Variants in D2HGDH observed in about 807,000 individuals in gnomAD.
The protein encoded by D2HGDH is D-2-hydroxyglutarate dehydrogenase, also known as D-2-hydroxyglutarate dehydrogenase, mitochondrial.
Under a neutral mutation model 46.9 loss-of-function variants are expected in D2HGDH, and 31 were observed. That is an observed-to-expected ratio of 0.66 (90% CI 0.50 to 0.89). The LOEUF (loss-of-function observed/expected upper bound fraction) is 0.89, where lower values mean the gene tolerates loss of function less well. D2HGDH is among the 40% of genes least tolerant of loss of function. The pLI, the probability that D2HGDH is intolerant of heterozygous loss-of-function variation, is 0.00. For missense variants in D2HGDH, 698 were observed against 720.8 expected (o/e 0.97, Z 0.36); for synonymous variants, 364 against 332.6 (o/e 1.09, Z -1.03).
intron 8 of D2HGDH, among the ~76,000 whole-genome samples, chr2:241,753,333 G>A (rs915533334): frequency 1.3e-5 from 2 of 152,164 alleles, no homozygotes; most frequent in African/African-American, 4.8e-5. Context: ...GGCAGGTCCT[G>A]AGGCTTTTCT....
intron 9 of D2HGDH, among the ~76,000 whole-genome samples, chr2:241,758,580 C>T (rs1375716884): frequency 2.0e-5 from 3 of 152,014 alleles, no homozygotes; most frequent in African/African-American, 2.4e-5. Flanking sequence ...AGGCCCGCCA[C>T]CTCACACACA....
chr2:241,749,185 C>T (rs1295548957), intron 6 of D2HGDH: 5 of 842,784 alleles, frequency 5.9e-6, no homozygotes, highest in Non-Finnish European at 7.9e-6. Flanking sequence ...CACCGCCAGA[C>T]CCTCCAACAC....
intron 6 of D2HGDH, chr2:241,749,851 C>T (rs995784218): frequency 2.2e-6 from 1 of 446,168 alleles, no homozygotes; most frequent in Non-Finnish European, 4.2e-6. Flanking sequence ...ACCAGGCGTG[C>T]CCTGCCCCTC....
intron 8 of D2HGDH, chr2:241,755,620 C>T: frequency 6.6e-7 from 1 of 1,524,234 alleles, no homozygotes; most frequent in Non-Finnish European, 8.8e-7. Context: ...GTTGGAGCCA[C>T]ACCTGGTCTG....
In D2HGDH at chr2:241,742,409, C is replaced by T. The variant is rs751117109; in HGVS notation, c.351-26C>T. The stretch of plus-strand genomic sequence containing the variant: ...TGGCGTAGGGGTGGGGACAGAGCCC[C>T]AACGTCCCTCCTGTCCTCATCCCAG... On this transcript the variant is annotated intron_variant, in intron 3 of 9. Coordinates refer to ENST00000321264, the MANE Select transcript of D2HGDH (RefSeq NM_152783.5). The surrounding 1 kb of genome is among the most constrained non-coding windows in gnomAD (Gnocchi z 4.8). 31 of 1,590,770 alleles carry T rather than the reference C, an allele frequency of 1.9e-5. No homozygotes were observed. The African/African-American group carries it at 3.2e-4, about 17-fold the overall frequency.
At position 241,755,989 on chromosome 2, in the gene D2HGDH, G is replaced by A. The variant is rs1698126479; in HGVS notation, c.1281G>A (p.Lys427=). The A allele has an allele frequency of 6.2e-7, 1 of 1,602,960 alleles. No homozygotes were observed. The highest frequency in any genetic ancestry group is 8.5e-7 in the Non-Finnish European group (1 of 1,172,126). Residue 427 remains lysine (K), a synonymous_variant, in exon 9 of 10, where the codon AAG becomes AAA. Coordinates refer to ENST00000321264, the MANE Select transcript of D2HGDH (RefSeq NM_152783.5). ...GCGCCCGCCTCGGCCCGCACGCCAA[G>A]CACGTGGTGGGCTATGGCCACCTTG... is the stretch of plus-strand genomic sequence containing the variant. ...DLRARLGPHA[K]HVVGYGHLGD... is the part of the protein sequence containing the mutation.
In D2HGDH at chr2:241,747,546, G is replaced by GTTTTT. The variant is rs760885558; in HGVS notation, c.854-2594_854-2590dup. Among the ~76,000 whole-genome samples the GTTTTT allele has an allele frequency of 1.6e-3, 217 of 136,686 alleles. 2 individuals carry two copies. The highest frequency in any genetic ancestry group is 2.1e-3 in the Non-Finnish European group (134 of 64,150). 89.7% of individuals were successfully genotyped at this position (136,686 alleles called of 152,430 possible). ...CATGGTCATGATTTATCAGGAGAGT[G>GTTTTT]TTTTTTTTTTTTTTTACATTATTCT... is the stretch of plus-strand genomic sequence containing the variant. On this transcript the variant is annotated intron_variant, in intron 6 of 9. Transcript: ENST00000321264.
intron 1 of D2HGDH, 136 bp downstream of exon 1, chr2:241,734,831 AGCTCGTCACGTGACCGCGTGGAACAC>A (rs1156669570): frequency 2.7e-5 from 5 of 186,952 alleles, no homozygotes; most frequent in African/African-American, 1.2e-4. Context: ...ACGGCGCTGC[AGCTCGTCACGTGACCGCGTGGAACAC>A]GCGCGCGCGT....
chr2:241,749,228 C>T (rs546908789), intron 6 of D2HGDH: 205 of 1,102,788 alleles, frequency 1.9e-4, no homozygotes, highest in East Asian at 5.5e-4. Context: ...GCCCTCTACG[C>T]GTCTGCAGCC....
intron 6 of D2HGDH, among the ~76,000 whole-genome samples, chr2:241,747,191 GGT>G (rs1696079479): frequency 6.6e-6 from 1 of 152,124 alleles, no homozygotes; most frequent in African/African-American, 2.4e-5. Flanking sequence ...AAAGTGCGGG[GGT>G]TATAGGTGTG....
chr2:241,754,153 C>T lies in D2HGDH; in HGVS notation c.1141-1696C>T, dbSNP rs903298325. On this transcript the variant is annotated intron_variant, in intron 8 of 9. Coordinates refer to ENST00000321264, the MANE Select transcript of D2HGDH (RefSeq NM_152783.5). Reference sequence around the variant, plus strand: ...GACAAGGGTAGAGCCCATCTTGTGGCCACGGGGACACATGGGGCGGCCGGT... The same window carrying T: ...GACAAGGGTAGAGCCCATCTTGTGGTCACGGGGACACATGGGGCGGCCGGT... 2.0e-5 allele frequency among the ~76,000 whole-genome samples: 3 copies of T among 152,340 alleles called. No individual in the cohort carries two copies. The South Asian group carries it at 6.2e-4, about 32-fold the overall frequency.
chr2:241,750,471 A>G (rs1696981148), intron 7 of D2HGDH, among the ~76,000 whole-genome samples, 177 bp downstream of exon 7: 1 of 152,112 alleles, frequency 6.6e-6, no homozygotes, highest in African/African-American at 2.4e-5. Flanking sequence ...TGCTCTTAAC[A>G]TATTTAGGAC....
intron 6 of D2HGDH, among the ~76,000 whole-genome samples, chr2:241,745,699 G>C (rs1695681533): frequency 6.6e-6 from 1 of 152,178 alleles, no homozygotes; most frequent in Non-Finnish European, 1.5e-5. Flanking sequence ...TCTTCTGTCT[G>C]GGATTATGTT....
chr2:241,751,718 C>G (rs1246581481), intron 8 of D2HGDH, among the ~76,000 whole-genome samples: 1 of 152,210 alleles, frequency 6.6e-6, no homozygotes, highest in Non-Finnish European at 1.5e-5. Context: ...CGCATAGAGT[C>G]GTGTGGAAGG....
Position 241,744,779 on chromosome 2 carries a change from A to T in D2HGDH, c.755A>T (p.Lys252Met). ...AAGGACAACACGGGCTATGACCTGAAGCAGCTGTTCATCGGGTCGGAGGGC... is the reference window on the plus strand; with the variant it reads ...AAGGACAACACGGGCTATGACCTGATGCAGCTGTTCATCGGGTCGGAGGGC... ...LRKDNTGYDL[K>M]QLFIGSEGTL... Residue 252 changes from lysine (K) to methionine (M), a missense_variant, in exon 6 of 10, where the codon AAG (lysine) becomes ATG (methionine). Transcript: ENST00000321264. 2 of 1,614,200 alleles carry T rather than the reference A, an allele frequency of 1.2e-6. No individual in the cohort carries two copies. Among genetic ancestry groups the T allele is most frequent in the Non-Finnish European group, 1.7e-6 (2 of 1,180,032 alleles).
intron 3 of D2HGDH, 92 bp downstream of exon 3, chr2:241,741,182 C>T (rs1289903970): frequency 2.5e-5 from 29 of 1,167,906 alleles, no homozygotes; most frequent in African/African-American, 9.1e-5. Context: ...TGACGCGGTG[C>T]GAAGCCAGCC....
chr2:241,768,080 C>T lies in D2HGDH; in HGVS notation c.*111C>T, dbSNP rs984641846. On this transcript the variant is annotated 3_prime_UTR_variant, in exon 10 of 10. Coordinates refer to ENST00000321264, the MANE Select transcript of D2HGDH (RefSeq NM_152783.5). The stretch of plus-strand genomic sequence containing the variant: ...CCGGCAGTGGGCAGGGGACCAGGCA[C>T]CTGGTTGAAGGGACTGGGAGCCCGC... 156 of 1,435,664 alleles carry T rather than the reference C, an allele frequency of 1.1e-4. No homozygotes were observed. The highest frequency in any genetic ancestry group is 1.3e-4 in the Non-Finnish European group (146 of 1,082,896). 88.9% of individuals were successfully genotyped at this position (1,435,664 alleles called of 1,614,324 possible). A position where few individuals can be genotyped will look rare whatever the true frequency, so the allele number is the denominator to read the frequency against.
intron 2 of D2HGDH, 111 bp from the exon 3 acceptor site, chr2:241,740,922 A>C: frequency 2.4e-6 from 2 of 839,830 alleles, no homozygotes; most frequent in Admixed American, 2.0e-5. Context: ...CCTGGGCAAC[A>C]GAGTGAGAGT....
chr2:241,738,911 T>C (rs1211633619), intron 2 of D2HGDH, among the ~76,000 whole-genome samples: 4 of 152,282 alleles, frequency 2.6e-5, no homozygotes, highest in Admixed American at 2.6e-4. Context: ...TCCCTTCATG[T>C]GGCTTGCTTT....
Sources: gnomAD v4.1 joint callset for allele counts (sites outside exome capture counted in the v4.1 genomes callset) on GRCh38, gnomAD v4.1.1 for gene constraint, Gnocchi (gnomAD v3.1) non-coding constraint, MANE v1.5 for transcripts, NCBI Gene and HGNC (gene_info 2026-07-23, HGNC 2026-07-21) for gene names.